Variants in ZNF124 observed in about 807,000 individuals in gnomAD.
ZNF124 encodes the protein zinc finger protein HZF-16.
ZNF124 carries 25 observed loss-of-function variants against 26.6 expected under a neutral mutation model. The ratio of observed to expected loss-of-function variants is 0.94; its 90% confidence interval spans 0.68 to 1.31. The LOEUF (loss-of-function observed/expected upper bound fraction) is 1.31, where lower values mean the gene tolerates loss of function less well. ZNF124 is among the 40% of genes most tolerant of loss of function. ZNF124 has a pLI of 0.00. For missense variants in ZNF124, 444 were observed against 422.2 expected, an observed-to-expected ratio of 1.05 and a Z score of -0.45; for synonymous variants, 129 against 133.3, an observed-to-expected ratio of 0.97 and a Z score of 0.22.
downstream of ZNF124, among the ~76,000 whole-genome samples, chr1:247,154,688 ATGT>A (rs1286050641): frequency 1.3e-5 from 2 of 152,134 alleles, no homozygotes; most frequent in Non-Finnish European, 2.9e-5. Flanking sequence ...CAAAAAAGCA[ATGT>A]TGTTTTTGCA....
intron 3 of ZNF124, among the ~76,000 whole-genome samples, chr1:247,147,584 T>G (rs1312376282): frequency 6.6e-6 from 1 of 152,130 alleles, no homozygotes; most frequent in African/African-American, 2.4e-5. Flanking sequence ...AGCAGAGAGA[T>G]ATTACTATTC....
intron 2 of ZNF124, among the ~76,000 whole-genome samples, chr1:247,159,476 T>A (rs1199307669): frequency 6.6e-6 from 1 of 152,198 alleles, no homozygotes; most frequent in Non-Finnish European, 1.5e-5. Context: ...TAAACCAATA[T>A]AAAACTATTT....
At position 247,155,921 on chromosome 1, in the gene ZNF124, A is replaced by G. The variant is rs916324637; in HGVS notation, c.*645T>C. On this transcript the variant is annotated 3_prime_UTR_variant, in exon 4 of 4. Transcript: ENST00000543802. ...TTTTTCAAAAGAAGTGAAAATCTAT[A>G]TTCTAGAGACTCTCTTCAAAAATGA... The G allele has an allele frequency of 7.5e-6, 7 of 928,612 alleles. No individual in the cohort carries two copies. The African/African-American group carries it at 1.3e-4, about 17-fold the overall frequency. 57.5% of individuals were successfully genotyped at this position (928,612 alleles called of 1,614,324 possible).
intron 3 of ZNF124, among the ~76,000 whole-genome samples, chr1:247,146,257 G>C (rs572676455): frequency 6.6e-6 from 1 of 152,348 alleles, no homozygotes; most frequent in African/African-American, 2.4e-5. Context: ...ATATAGTGCA[G>C]CAGGGCATAA....
intron 3 of ZNF124, among the ~76,000 whole-genome samples, chr1:247,142,172 C>A (rs151322662): frequency 1.2e-3 from 184 of 152,320 alleles, no homozygotes; most frequent in African/African-American, 4.1e-3. Flanking sequence ...ACCTGGGGGT[C>A]TCCTGACCCT....
At chr1:247,160,804 C>A (rs1484248601) in intron 1 of ZNF124, among the ~76,000 whole-genome samples, 1 of 152,130 alleles carries the variant, frequency 6.6e-6, no homozygotes, top group African/African-American at 2.4e-5. Flanking sequence ...GAGCCCAATC[C>A]ACGTGGTTAC....
intron 3 of ZNF124, among the ~76,000 whole-genome samples, chr1:247,144,944 T>G (rs911059296): frequency 1.1e-4 from 16 of 152,022 alleles, no homozygotes; most frequent in Non-Finnish European, 1.8e-4. Context: ...CCTGGCTAAT[T>G]TTTGTATTTT....
At chr1:247,127,860 T>G (rs1307284263) in intron 3 of ZNF124, among the ~76,000 whole-genome samples, 1 of 76,974 alleles carries the variant, frequency 1.3e-5, no homozygotes, top group African/African-American at 7.6e-5. Flanking sequence ...AAGCCCTTCC[T>G]TCTTTAACTC....
At chr1:247,123,055 T>C (rs1572050695) in exon 4 of ZNF124, 1 of 152,174 alleles carries the variant, frequency 6.6e-6, no homozygotes, top group East Asian at 1.9e-4. Context: ...GGAATAAGCA[T>C]GAACACAATA....
At chr1:247,131,218 A>T (rs1470618318) in intron 3 of ZNF124, among the ~76,000 whole-genome samples, 2 of 152,118 alleles carry the variant, frequency 1.3e-5, no homozygotes, top group South Asian at 4.1e-4. Context: ...CCAGGCGGGG[A>T]AGGGGAGCCT....
chr1:247,152,389 C>T (rs1279854661), downstream of ZNF124, among the ~76,000 whole-genome samples: 2 of 150,914 alleles, frequency 1.3e-5, no homozygotes, highest in African/African-American at 2.4e-5. Flanking sequence ...AAATTTAGTA[C>T]AAAAGATAAA....
At chr1:247,163,081 T>G (rs546299999) in intron 1 of ZNF124, among the ~76,000 whole-genome samples, 1 of 151,776 alleles carries the variant, frequency 6.6e-6, no homozygotes, top group East Asian at 1.9e-4. Context: ...GAAATTAAGG[T>G]AGAAACCAAG....
chr1:247,146,402 C>A (rs576712525), intron 3 of ZNF124, among the ~76,000 whole-genome samples: 1 of 152,184 alleles, frequency 6.6e-6, no homozygotes, highest in African/African-American at 2.4e-5. Context: ...AATTGACCCA[C>A]CTCAAAATTG....
chr1:247,161,490 CAT>C (rs1453084176), intron 1 of ZNF124, among the ~76,000 whole-genome samples: 3 of 151,472 alleles, frequency 2.0e-5, no homozygotes, highest in Non-Finnish European at 2.9e-5. Flanking sequence ...TTTTTTTTGA[CAT>C]ATGAATAGGA....
intron 3 of ZNF124, among the ~76,000 whole-genome samples, chr1:247,145,206 A>G (rs1023583460): frequency 1.3e-5 from 2 of 152,228 alleles, no homozygotes; most frequent in African/African-American, 4.8e-5. Context: ...AAAGAATTAC[A>G]TTCAGTCAAC....
At chr1:247,169,073 C>A (rs1340490113) in intron 1 of ZNF124, among the ~76,000 whole-genome samples, 5 of 151,922 alleles carry the variant, frequency 3.3e-5, no homozygotes, top group African/African-American at 9.7e-5. Context: ...TTTAAAATAT[C>A]CACTTCTTTC....
exon 4 of ZNF124, chr1:247,122,056 G>T (rs1328318533): frequency 1.3e-5 from 2 of 152,146 alleles, no homozygotes; most frequent in Non-Finnish European, 2.9e-5. Context: ...ATTTGACTTT[G>T]GATTATTTCA....
downstream of ZNF124, among the ~76,000 whole-genome samples, chr1:247,152,994 G>A (rs535836851): frequency 6.6e-6 from 1 of 152,232 alleles, no homozygotes; most frequent in African/African-American, 2.4e-5. Flanking sequence ...TTAGCTGGGT[G>A]TGCTGACGGG....
At chr1:247,164,580 T>A (rs1009989235) in intron 1 of ZNF124, among the ~76,000 whole-genome samples, 1 of 150,678 alleles carries the variant, frequency 6.6e-6, no homozygotes, top group Non-Finnish European at 1.5e-5. Context: ...AGTTACAAGA[T>A]GCTGCTGGGA....
Sources: gnomAD v4.1 joint callset for allele counts (sites outside exome capture counted in the v4.1 genomes callset) on GRCh38, gnomAD v4.1.1 for gene constraint, MANE v1.5 for transcripts, NCBI Gene and HGNC (gene_info 2026-07-23, HGNC 2026-07-21) for gene names.